The following OTUD5 variants were observed in gnomAD, a reference collection of about 807,000 sequenced individuals.
OTUD5 encodes the protein OTU deubiquitinase 5, also known as OTU domain-containing protein 5.
A neutral mutation model predicts 36.3 loss-of-function variants in OTUD5; 2 were observed. The ratio of observed to expected loss-of-function variants is 0.06; its 90% CI spans 0.02 to 0.17. The LOEUF is 0.17. Ranked by LOEUF, OTUD5 falls within the 10% of genes least tolerant of loss-of-function variation. The pLI is 1.00. For missense variants in OTUD5, 233 were observed against 512.3 expected, an observed-to-expected ratio of 0.45 and a Z score of 5.26; for synonymous variants, 234 against 214.9, an observed-to-expected ratio of 1.09 and a Z score of -0.78.
chrX:48,957,935 G>T, upstream of OTUD5: 1 of 506,820 alleles, frequency 2.0e-6, no homozygotes, highest in Non-Finnish European at 2.4e-6. Flanking sequence ...CCCCTCGCAG[G>T]TTCTTGCACT....
At chrX:48,934,436 G>A in intron 5 of OTUD5, 28 bp downstream of exon 5, 1 of 1,192,282 alleles carries the variant, frequency 8.4e-7, no homozygotes, top group Non-Finnish European at 1.1e-6. Context: ...ATATCCAGCA[G>A]CCATTCTGGG....
At chrX:48,927,702 G>A (rs782805522) in intron 5 of OTUD5, among the ~76,000 whole-genome samples, 76 of 111,477 alleles carry the variant, frequency 6.8e-4, no homozygotes, top group African/African-American at 2.5e-3. Context: ...ATCCTTTTGG[G>A]ATTCTTTGGA....
At chrX:48,939,713 C>T (rs1258196216) in intron 2 of OTUD5, among the ~76,000 whole-genome samples, 2 of 112,327 alleles carry the variant, frequency 1.8e-5, no homozygotes, top group African/African-American at 3.2e-5. Context: ...ACAGACTAGC[C>T]TCAACCTCTC....
chrX:48,954,617 T>TGG (rs1179417806), intron 1 of OTUD5, among the ~76,000 whole-genome samples: 1 of 111,326 alleles, frequency 9.0e-6, no homozygotes, highest in African/African-American at 3.3e-5. Flanking sequence ...AGACAAGGCT[T>TGG]GGGGCCCCTG....
At chrX:48,924,768 C>G (rs374251756) in intron 6 of OTUD5, among the ~76,000 whole-genome samples, 32 of 112,346 alleles carry the variant, frequency 2.8e-4, no homozygotes, top group East Asian at 2.5e-3. Flanking sequence ...ATACCGTGAA[C>G]GCACATTCCT....
intron 1 of OTUD5, among the ~76,000 whole-genome samples, chrX:48,947,327 G>A (rs782551778): frequency 9.0e-6 from 1 of 110,739 alleles, no homozygotes; most frequent in East Asian, 2.8e-4. Context: ...AGAAGTTGCA[G>A]TGAGCCGGGA....
upstream of OTUD5, chrX:48,957,901 A>T (rs1437952762): frequency 9.3e-6 from 6 of 644,642 alleles, no homozygotes; most frequent in African/African-American, 1.2e-4. Flanking sequence ...AAACAGAACC[A>T]AAACAAGCAC....
At chrX:48,957,752 TGGCGGCGCGC>T, upstream of OTUD5, 1 of 772,029 alleles carries the variant, frequency 1.3e-6, no homozygotes, top group African/African-American at 2.5e-5. Context: ...GCGGCGGCGG[TGGCGGCGCGC>T]GGGTCACGCC....
chrX:48,924,490 A>G (rs1243431574), intron 6 of OTUD5, among the ~76,000 whole-genome samples: 3 of 110,686 alleles, frequency 2.7e-5, no homozygotes, highest in African/African-American at 9.9e-5. Flanking sequence ...TCTGCTCACA[A>G]TCCTCCCATG....
chrX:48,926,102 A>AAG, intron 5 of OTUD5, 52 bp from the exon 6 acceptor site: 1 of 1,030,233 alleles, frequency 9.7e-7, no homozygotes, highest in Non-Finnish European at 1.4e-6. Flanking sequence ...GAACCTGCCC[A>AAG]AGAGCCAGAA....
At chrX:48,957,612 C>A, upstream of OTUD5, 47 of 818,793 alleles carry the variant, frequency 5.7e-5, no homozygotes, top group Non-Finnish European at 6.7e-5. Context: ...CGGCGCGGGG[C>A]ACGCCGGGAG....
intron 1 of OTUD5, among the ~76,000 whole-genome samples, chrX:48,945,358 C>A: frequency 9.6e-6 from 1 of 104,138 alleles, no homozygotes; most frequent in East Asian, 3.0e-4. Context: ...GCAAGCTCTG[C>A]CTCCCGGGTT....
rs782221616 is a variant in OTUD5, at chrX:48,934,772, A to G, written c.849T>C (p.Ile283=). The change falls in exon 4 of 9, where the codon ATT becomes ATC. Residue 283 remains isoleucine, a synonymous_variant. Coordinates refer to ENST00000376488, the MANE Select transcript of OTUD5 (RefSeq NM_001136157.2). ...ACATCTCTGCCATGGCCTGCATCTC[A>G]ATGTGGTTGCCATGGCAATTGTTTT... is the stretch of plus-strand genomic sequence containing the variant. ...KRKNNCHGNH[I]EMQAMAEMYN... 3 of 1,208,717 alleles carry G rather than the reference A, an allele frequency of 2.5e-6. No homozygotes were observed. In the East Asian group the frequency reaches 8.9e-5, roughly 36 times the overall value.
intron 1 of OTUD5, among the ~76,000 whole-genome samples, chrX:48,949,426 G>A (rs1557053200): frequency 1.8e-5 from 2 of 111,391 alleles, no homozygotes; most frequent in Admixed American, 1.9e-4. Context: ...GCCTGTAATC[G>A]CGGCACTCTG....
At position 48,942,244 on chromosome X, in the gene OTUD5, TACACACACACACACACACAC is replaced by T. The variant is rs1188711919; in HGVS notation, c.688+1926_688+1945del. On this transcript the variant is annotated intron_variant, in intron 2 of 8. Coordinates refer to ENST00000376488, the MANE Select transcript of OTUD5 (RefSeq NM_001136157.2). ...ACAGCTAGCTAGATACACACACACA[TACACACACACACACACACAC>T]ACACACACACACACACAGAGAACAG... Among the ~76,000 whole-genome samples, 5 of 57,094 alleles carry T rather than the reference TACACACACACACACACACAC, an allele frequency of 8.8e-5. No individual in the cohort carries two copies. The South Asian group carries it at 6.5e-3, about 75-fold the overall frequency. The allele number at this position is 57,094 out of a possible 115,157, so 49.6% of individuals were successfully genotyped here.
chrX:48,936,912 C>T (rs1557050079), intron 2 of OTUD5, among the ~76,000 whole-genome samples: 1 of 111,691 alleles, frequency 9.0e-6, no homozygotes, highest in Non-Finnish European at 1.9e-5. Context: ...CACAGGAACA[C>T]TCCTGAGTTC....
rs374080208 is a variant in OTUD5, at chrX:48,923,834, G to A, written c.1465+17C>T. The A allele has an allele frequency of 3.3e-6, 4 of 1,208,089 alleles. No individual in the cohort carries two copies. Among genetic ancestry groups the A allele is most frequent in the Non-Finnish European group, 4.5e-6 (4 of 893,052 alleles). ...CCTCCTAACTCCCAGCACATTCCCTGTGGGCAAGTCACTGACCTGGCGCAC... is the reference window on the plus strand; with the variant it reads ...CCTCCTAACTCCCAGCACATTCCCTATGGGCAAGTCACTGACCTGGCGCAC... On this transcript the variant is annotated intron_variant, in intron 7 of 8. Transcript: ENST00000376488.
In OTUD5 at chrX:48,957,502, G is replaced by A. The variant is rs782038757; in HGVS notation, c.69C>T (p.Pro23=). The A allele has an allele frequency of 1.8e-5, 15 of 820,536 alleles. 1 individual carries two copies. In the South Asian group the frequency reaches 7.0e-4, roughly 38 times the overall value. 67.6% of individuals were successfully genotyped at this position (820,536 alleles called of 1,213,427 possible). A position where few individuals can be genotyped will look rare whatever the true frequency, so the allele number is the denominator to read the frequency against. ...DADPANEPPP[P]GPMPPAPRRG... ...GCCGCGGCGCCGGGGGCATCGGCCCGGGCGGCGGCGGCTCGTTGGCGGGGT... is the reference window on the plus strand; with the variant it reads ...GCCGCGGCGCCGGGGGCATCGGCCCAGGCGGCGGCGGCTCGTTGGCGGGGT... The change falls in exon 1 of 9, where the codon CCC becomes CCT. Residue 23 remains proline (P), a synonymous_variant. Coordinates refer to ENST00000376488, the MANE Select transcript of OTUD5 (RefSeq NM_001136157.2).
At chrX:48,957,852 G>T, upstream of OTUD5, 2 of 744,169 alleles carry the variant, frequency 2.7e-6, no homozygotes, top group Non-Finnish European at 3.2e-6. Context: ...AGTCCAGCAA[G>T]TTTATTGCTA....
Sources: gnomAD v4.1 joint callset for allele counts (sites outside exome capture counted in the v4.1 genomes callset) on GRCh38, gnomAD v4.1.1 for gene constraint, MANE v1.5 for transcripts, NCBI Gene and HGNC (gene_info 2026-07-23, HGNC 2026-07-21) for gene names.